Variants in LCE1C observed in about 807,000 individuals in gnomAD.
LCE1C encodes late cornified envelope 1C.
LCE1C carries 1 observed loss-of-function variant against 0.7 expected under a neutral mutation model. The observed-to-expected ratio is 1.44, with a 90% CI of 0.51 to 6.83. The LOEUF (loss-of-function observed/expected upper bound fraction) is 6.83. Ranked by LOEUF, LCE1C falls within the 30% of genes most tolerant of loss-of-function variation. The pLI, the probability that LCE1C is intolerant of heterozygous loss-of-function variation, is 0.14. For synonymous variants in LCE1C, 72 were observed against 57.9 expected, an observed-to-expected ratio of 1.24 and a Z score of -1.10; for missense variants, 136 against 149.6, an observed-to-expected ratio of 0.91 and a Z score of 0.48.
chr1:152,805,247 T>G lies in LCE1C; in HGVS notation c.232A>C (p.Ser78Arg), dbSNP rs202080650. ...TGGGACCTACGGCGCCTGTGGTGGC[T>G]CAGGCAGCAGCCACCTCCCCCAGAA... ...CSSGGGGCCL[S>R]HHRRRRSHCH... The change falls in exon 2 of 2, where the codon AGC (serine) becomes CGC (arginine). Residue 78 changes from serine to arginine, a missense_variant. Transcript: ENST00000607093. 116 of 1,613,804 alleles carry G rather than the reference T, an allele frequency of 7.2e-5. No individual in the cohort carries two copies. Among genetic ancestry groups the G allele is most frequent in the Non-Finnish European group, 9.1e-5 (107 of 1,180,012 alleles).
Position 152,805,150 on chromosome 1 carries a change from C to T in LCE1C, c.329G>A (p.Ser110Asn), listed in dbSNP as rs750408036. 1.5e-5 allele frequency: 24 copies of T among 1,609,600 alleles called. No individual in the cohort carries two copies. Among genetic ancestry groups the T allele is most frequent in the Non-Finnish European group, 2.0e-5 (23 of 1,177,672 alleles). ...GCAGCAGCCTCCAGAGTGCTGGCCA[C>T]TCCCCCCGCCACAGCAGCTGGAGCC... ...SGGSSCCGGG[S>N]GQHSGGCC The change falls in exon 2 of 2, where the codon AGT becomes AAT. Residue 110 changes from serine (S) to asparagine (N), a missense_variant. Transcript: ENST00000607093.
Position 152,805,283 on chromosome 1 carries a change from C to A in LCE1C, c.196G>T (p.Gly66Ter). Reference protein sequence around the residue: ...SGGSCGSSSGGCCSSGGGGCC... With the variant: ...SGGSCGSSSG The stretch of plus-strand genomic sequence containing the variant: ...CCACCTCCCCCAGAACTGCAGCATC[C>A]CCCAGAGCTGGAGCCACAGCTGCCC... Residue 66 changes from glycine to a stop codon, truncating the protein, a stop_gained, in exon 2 of 2, where the codon GGA becomes TGA. Transcript: ENST00000607093. LOFTEE classifies it high-confidence loss of function. 1.2e-6 allele frequency: 2 copies of A among 1,614,004 alleles called. No homozygotes were observed.
Position 152,805,183 on chromosome 1 carries a change from G to A in LCE1C, c.296C>T (p.Pro99Leu), listed in dbSNP as rs2101586915. 1 of 1,610,918 alleles carries A rather than the reference G, an allele frequency of 6.2e-7. No homozygotes were observed. Among genetic ancestry groups the A allele is most frequent in the Non-Finnish European group, 8.5e-7 (1 of 1,177,866 alleles). Reference protein sequence around the residue: ...RPQSSGCCSQPSGGSSCCGGG... With the variant: ...RPQSSGCCSQLSGGSSCCGGG... ...GCCACAGCAGCTGGAGCCCCCCGAG[G>A]GCTGGCTGCAGCAGCCAGAGCTCTG... Residue 99 changes from proline (P) to leucine (L), a missense_variant, in exon 2 of 2, where the codon CCC (proline) becomes CTC (leucine). Physicochemically the swap from Pro to Leu is moderately conservative, Grantham distance 98. Coordinates refer to ENST00000607093, the MANE Select transcript of LCE1C (RefSeq NM_178351.4).
chr1:152,805,524 A>G (rs752969693), intron 1 of LCE1C, 26 bp from the exon 2 acceptor site: 23 of 1,561,306 alleles, frequency 1.5e-5, no homozygotes, highest in Non-Finnish European at 2.0e-5. Flanking sequence ...ACAGCAAGTC[A>G]GACCTAGGCA....
Position 152,805,392 on chromosome 1 carries a change from A to G in LCE1C, c.87T>C (p.Cys29=), listed in dbSNP as rs36107483. 504,665 of 1,610,066 alleles carry G rather than the reference A, an allele frequency of 0.31. 84,162 individuals carry two copies. The highest frequency in any genetic ancestry group is 0.35 in the Non-Finnish European group (414,395 of 1,179,376). The change falls in exon 2 of 2, where the codon TGT becomes TGC. Residue 29 remains cysteine (C), a synonymous_variant. Transcript: ENST00000607093. The part of the protein sequence containing the change: ...KCPPKCPTPK[C]PPKCPPKCPP... ...GGCACTTAGGGGGACACTTTGGGGG[A>G]CACTTTGGGGTGGGGCACTTGGGAG...
At chr1:152,805,531 G>A (rs541273703) in intron 1 of LCE1C, 33 bp from the exon 2 acceptor site, 3 of 1,502,480 alleles carry the variant, frequency 2.0e-6, no homozygotes, top group South Asian at 2.3e-5. Flanking sequence ...GTCAGACCTA[G>A]GCAGAGGCCA....
chr1:152,805,348 C>A lies in LCE1C; in HGVS notation c.131G>T (p.Cys44Phe). The change falls in exon 2 of 2, where the codon TGC (cysteine) becomes TTC (phenylalanine). Residue 44 changes from cysteine to phenylalanine, a missense_variant. Cys to Phe is a radical substitution (Grantham distance 205). Coordinates refer to ENST00000607093, the MANE Select transcript of LCE1C (RefSeq NM_178351.4). ...PPKCPPVSSC[C>F]SVSSGGCCGS... ...ACAGCAGCCTCCGGAGCTGACACTG[C>A]AGCAGGAAGAGACAGGAGGGCACTT... 6.2e-7 allele frequency: 1 copy of A among 1,613,792 alleles called. No homozygotes were observed. The highest frequency in any genetic ancestry group is 8.5e-7 in the Non-Finnish European group (1 of 1,179,990).
At chr1:152,805,544 C>T in intron 1 of LCE1C, 46 bp from the exon 2 acceptor site, 9 of 1,335,052 alleles carry the variant, frequency 6.7e-6, no homozygotes, top group African/African-American at 1.4e-5. Flanking sequence ...AGAGGCCACC[C>T]CTGCCTATTC....
At chr1:152,805,827 A>T (rs1441844005) in intron 1 of LCE1C, among the ~76,000 whole-genome samples, 1 of 152,228 alleles carries the variant, frequency 6.6e-6, no homozygotes, top group Non-Finnish European at 1.5e-5. Context: ...CATTGTGTCA[A>T]ATAAAACCCT....
In LCE1C at chr1:152,804,862, G is replaced by T. The variant is rs1306343745; in HGVS notation, c.*260C>A. On this transcript the variant is annotated 3_prime_UTR_variant, in exon 2 of 2. Transcript: ENST00000607093. ...TGTTTTAGTCCTTTAATCAGCAGAT[G>T]CACGCTGCAAATGACATTGAGTAAG... 1.2e-5 allele frequency: 6 copies of T among 490,788 alleles called. No homozygotes were observed. Among genetic ancestry groups the T allele is most frequent in the Non-Finnish European group, 2.1e-5 (6 of 280,994 alleles). The allele number at this position is 490,788 out of a possible 1,614,324, so 30.4% of individuals were successfully genotyped here. A position where few individuals can be genotyped will look rare whatever the true frequency, so the allele number is the denominator to read the frequency against.
Position 152,804,955 on chromosome 1 carries a change from C to T in LCE1C, c.*167G>A. On this transcript the variant is annotated 3_prime_UTR_variant, in exon 2 of 2. Coordinates refer to ENST00000607093, the MANE Select transcript of LCE1C (RefSeq NM_178351.4). ...AGGTCCAAGGCCAGTGAATGGAGAT[C>T]CAGGAGAGGATCTGAGTTTCTGGAC... The T allele has an allele frequency of 5.8e-6, 5 of 857,340 alleles. No individual in the cohort carries two copies. Among genetic ancestry groups the T allele is most frequent in the East Asian group, 2.4e-5 (1 of 40,882 alleles). 53.1% of individuals were successfully genotyped at this position (857,340 alleles called of 1,614,324 possible). A position where few individuals can be genotyped will look rare whatever the true frequency, so the allele number is the denominator to read the frequency against.
In LCE1C at chr1:152,805,343, C is replaced by T; in HGVS notation, c.136G>A (p.Val46Ile). Residue 46 changes from valine to isoleucine, a missense_variant, in exon 2 of 2, where the codon GTC becomes ATC. Transcript: ENST00000607093. ...KCPPVSSCCSVSSGGCCGSSS... is the reference protein window; with the variant it reads ...KCPPVSSCCSISSGGCCGSSS... Reference sequence around the variant, plus strand: ...GAGCCACAGCAGCCTCCGGAGCTGACACTGCAGCAGGAAGAGACAGGAGGG... The same window carrying T: ...GAGCCACAGCAGCCTCCGGAGCTGATACTGCAGCAGGAAGAGACAGGAGGG... 6 of 1,613,914 alleles carry T rather than the reference C, an allele frequency of 3.7e-6. No homozygotes were observed. Among genetic ancestry groups the T allele is most frequent in the Non-Finnish European group, 5.1e-6 (6 of 1,179,988 alleles).
chr1:152,806,161 T>G (rs1451926217), intron 1 of LCE1C, among the ~76,000 whole-genome samples: 1 of 152,218 alleles, frequency 6.6e-6, no homozygotes, highest in Non-Finnish European at 1.5e-5. Flanking sequence ...CTAACTACTT[T>G]AAGAGATTCT....
At chr1:152,805,978 C>G (rs556961131) in intron 1 of LCE1C, among the ~76,000 whole-genome samples, 1 of 152,246 alleles carries the variant, frequency 6.6e-6, no homozygotes, top group Non-Finnish European at 1.5e-5. Context: ...GTTTTGGAGA[C>G]AGGCTGGTCT....
At position 152,804,985 on chromosome 1, in the gene LCE1C, G is replaced by A. The variant is rs1652286722; in HGVS notation, c.*137C>T. Reference sequence around the variant, plus strand: ...AGAGGATCTGAGTTTCTGGACTCCAGGGAAAAGATATGCTCTTGGCAAGTT... The same window carrying A: ...AGAGGATCTGAGTTTCTGGACTCCAAGGAAAAGATATGCTCTTGGCAAGTT... On this transcript the variant is annotated 3_prime_UTR_variant, in exon 2 of 2. Coordinates refer to ENST00000607093, the MANE Select transcript of LCE1C (RefSeq NM_178351.4). 6 of 1,112,676 alleles carry A rather than the reference G, an allele frequency of 5.4e-6. No homozygotes were observed. Among genetic ancestry groups the A allele is most frequent in the Non-Finnish European group, 7.8e-6 (6 of 769,740 alleles). The allele number at this position is 1,112,676 out of a possible 1,614,324, so 68.9% of individuals were successfully genotyped here.
chr1:152,805,431 G>T lies in LCE1C; in HGVS notation c.48C>A (p.Cys16Ter). The T allele has an allele frequency of 6.2e-7, 1 of 1,614,028 alleles. No homozygotes were observed. Among genetic ancestry groups the T allele is most frequent in the South Asian group, 1.1e-5 (1 of 91,068 alleles). The stretch of plus-strand genomic sequence containing the variant: ...GGCACTTGGGAGGGCACTTGGGGGT[G>T]CACTTGGGAGGGGGCTGGCACTGCT... ...SQQQCQPPPK[C>*]TPKCPPKCPT... Residue 16 changes from cysteine (C) to a stop codon, truncating the protein, a stop_gained, in exon 2 of 2, where the codon TGC (cysteine) becomes TGA (stop). Coordinates refer to ENST00000607093, the MANE Select transcript of LCE1C (RefSeq NM_178351.4). LOFTEE classifies it high-confidence loss of function.
Position 152,804,850 on chromosome 1 carries a change from T to G in LCE1C, c.*272A>C. ...GAGCAGATTCCTTGTTTTAGTCCTT[T>G]AATCAGCAGATGCACGCTGCAAATG... On this transcript the variant is annotated 3_prime_UTR_variant, in exon 2 of 2. Transcript: ENST00000607093. The G allele has an allele frequency of 2.1e-6, 1 of 466,192 alleles. No homozygotes were observed. Among genetic ancestry groups the G allele is most frequent in the Non-Finnish European group, 3.8e-6 (1 of 266,630 alleles). The allele number at this position is 466,192 out of a possible 1,614,324, so 28.9% of individuals were successfully genotyped here.
intron 1 of LCE1C, among the ~76,000 whole-genome samples, chr1:152,805,792 GT>G (rs1652323256): frequency 6.6e-6 from 1 of 152,186 alleles, no homozygotes; most frequent in Non-Finnish European, 1.5e-5. Flanking sequence ...TAAACATTTA[GT>G]AAATTAAAGG....
rs752532101 is a variant in LCE1C, at chr1:152,805,366, G to A, written c.113C>T (p.Pro38Leu). The A allele has an allele frequency of 2.9e-5, 46 of 1,613,686 alleles. No individual in the cohort carries two copies. The highest frequency in any genetic ancestry group is 2.1e-4 in the African/African-American group (16 of 74,908). The change falls in exon 2 of 2, where the codon CCT (proline) becomes CTT (leucine). Residue 38 changes from proline (P) to leucine (L), a missense_variant. Transcript: ENST00000607093. ...KCPPKCPPKC[P>L]PVSSCCSVSS... ...GACACTGCAGCAGGAAGAGACAGGA[G>A]GGCACTTAGGGGGACACTTTGGGGG...
Sources: gnomAD v4.1 joint callset for allele counts (sites outside exome capture counted in the v4.1 genomes callset) on GRCh38, gnomAD v4.1.1 for gene constraint, MANE v1.5 for transcripts, NCBI Gene and HGNC (gene_info 2026-07-23, HGNC 2026-07-21) for gene names.